MEGF6: variants seen among roughly 807,000 people sequenced by gnomAD.
MEGF6 encodes multiple EGF like domains 6, also known as multiple epidermal growth factor-like domains protein 6.
Under a neutral mutation model 207.1 loss-of-function variants are expected in MEGF6, and 184 were observed. The observed-to-expected ratio is 0.89, with a 90% CI of 0.79 to 1.00. MEGF6 has a LOEUF of 1.00. MEGF6 is among the 50% of genes least tolerant of loss of function. MEGF6 has a pLI of 0.00. For missense variants in MEGF6, 2,282 were observed against 2,202.9 expected (o/e 1.04, Z -0.72); for synonymous variants, 1,038 against 910.0 (o/e 1.14, Z -2.53).
intron 4 of MEGF6, among the ~76,000 whole-genome samples, chr1:3,564,655 C>A (rs1036106567): frequency 1.3e-5 from 2 of 152,166 alleles, no homozygotes; most frequent in African/African-American, 2.4e-5. Context: ...CCGCCTTCCT[C>A]GACCTCCAAT....
chr1:3,607,941 G>A lies in MEGF6; in HGVS notation c.131+3197C>T, dbSNP rs372512025. Among the ~76,000 whole-genome samples the A allele has an allele frequency of 9.7e-4, 147 of 152,262 alleles. 1 individual carries two copies. The highest frequency in any genetic ancestry group is 3.4e-3 in the African/African-American group (142 of 41,568). ...GGCATCACCAGGTTGGGGAGGGCGGGGATCCAGAAAGCAGGCAGCCAGCCT... is the reference window on the plus strand; with the variant it reads ...GGCATCACCAGGTTGGGGAGGGCGGAGATCCAGAAAGCAGGCAGCCAGCCT... On this transcript the variant is annotated intron_variant, in intron 1 of 36. Coordinates refer to ENST00000356575, the MANE Select transcript of MEGF6 (RefSeq NM_001409.4).
At chr1:3,607,294 C>T (rs1053340235) in intron 1 of MEGF6, among the ~76,000 whole-genome samples, 2 of 152,066 alleles carry the variant, frequency 1.3e-5, no homozygotes, top group East Asian at 1.9e-4. Flanking sequence ...GGCCCCTGCC[C>T]GCCTGGTGCG....
At chr1:3,548,354 G>A (rs930061388) in intron 4 of MEGF6, among the ~76,000 whole-genome samples, 15 of 152,242 alleles carry the variant, frequency 9.9e-5, no homozygotes, top group African/African-American at 2.4e-4. Context: ...GCCTCGGGGC[G>A]GCCACAGTCC....
the MEGF6 span, among the ~76,000 whole-genome samples, chr1:3,616,920 C>T: frequency 6.6e-6 from 1 of 152,210 alleles, no homozygotes; most frequent in Non-Finnish European, 1.5e-5. Context: ...ATGGAGACAG[C>T]AGAGGGGCAA....
chr1:3,546,713 G>A (rs1442973263), intron 4 of MEGF6, among the ~76,000 whole-genome samples: 1 of 148,564 alleles, frequency 6.7e-6, no homozygotes, highest in South Asian at 2.2e-4. Flanking sequence ...TGCCAAGGAG[G>A]ACGCCAAGGC....
At chr1:3,515,352 T>C (rs772350671) in intron 6 of MEGF6, 50 bp downstream of exon 6, 8 of 1,570,316 alleles carry the variant, frequency 5.1e-6, no homozygotes, top group Non-Finnish European at 6.9e-6. Flanking sequence ...GCGAGGCAGC[T>C]TGTCCTGCCT....
chr1:3,499,498 C>T, intron 23 of MEGF6, 90 bp downstream of exon 23: 3 of 1,512,400 alleles, frequency 2.0e-6, no homozygotes, highest in South Asian at 1.2e-5. Flanking sequence ...TAGCTTCAGA[C>T]ACTCAGGACA....
chr1:3,555,463 G>A (rs1043600143), intron 4 of MEGF6, among the ~76,000 whole-genome samples: 4 of 152,332 alleles, frequency 2.6e-5, no homozygotes, highest in African/African-American at 7.2e-5. Flanking sequence ...GATGAGAGCC[G>A]GGGCAAGGCG....
intron 1 of MEGF6, among the ~76,000 whole-genome samples, chr1:3,606,636 C>T (rs955690016): frequency 7.9e-4 from 120 of 152,296 alleles, no homozygotes; most frequent in African/African-American, 2.5e-3. Flanking sequence ...CTGTTTATTC[C>T]GGAAAAAGTG....
chr1:3,592,342 CCT>C (rs1017710721), intron 3 of MEGF6, among the ~76,000 whole-genome samples: 9 of 152,156 alleles, frequency 5.9e-5, no homozygotes, highest in African/African-American at 2.2e-4. Flanking sequence ...CTCACTGCTC[CCT>C]CTCTGACGTT....
In MEGF6 at chr1:3,492,916, G is replaced by C. The variant is rs1244872365; in HGVS notation, c.4388-149C>G. On this transcript the variant is annotated intron_variant, in intron 34 of 36. Coordinates refer to ENST00000356575, the MANE Select transcript of MEGF6 (RefSeq NM_001409.4). Reference sequence around the variant, plus strand: ...TGCGGGAGCTAAGACCTTGGGCCTCGGTTTCCCCTGAGGAGTAAACAGTCC... The same window carrying C: ...TGCGGGAGCTAAGACCTTGGGCCTCCGTTTCCCCTGAGGAGTAAACAGTCC... The C allele has an allele frequency of 1.1e-5, 12 of 1,097,062 alleles. No individual in the cohort carries two copies. The African/African-American group carries it at 1.9e-4, about 17-fold the overall frequency. The allele number at this position is 1,097,062 out of a possible 1,614,324, so 68.0% of individuals were successfully genotyped here. A position where few individuals can be genotyped will look rare whatever the true frequency, so the allele number is the denominator to read the frequency against.
intron 9 of MEGF6, 31 bp downstream of exon 9, chr1:3,511,519 G>T (rs901206535): frequency 7.6e-6 from 12 of 1,583,968 alleles, no homozygotes; most frequent in Non-Finnish European, 1.0e-5. Flanking sequence ...CTGGAGTGGG[G>T]TGCAGGCATC....
intron 4 of MEGF6, among the ~76,000 whole-genome samples, chr1:3,561,043 C>T (rs1316118183): frequency 1.3e-5 from 2 of 152,164 alleles, no homozygotes; most frequent in Admixed American, 6.5e-5. Flanking sequence ...AGGTTCTCCC[C>T]CAAGTCTGCC....
intron 5 of MEGF6, among the ~76,000 whole-genome samples, chr1:3,522,742 G>A (rs960075291): frequency 2.6e-5 from 4 of 152,102 alleles, no homozygotes; most frequent in Non-Finnish European, 5.9e-5. Context: ...GAGGCCAGGA[G>A]AAGGGATTAG....
Position 3,512,114 on chromosome 1 carries a change from C to T in MEGF6, c.868G>A (p.Ala290Thr). 5 of 1,607,278 alleles carry T rather than the reference C, an allele frequency of 3.1e-6. No individual in the cohort carries two copies. The highest frequency in any genetic ancestry group is 4.3e-6 in the Non-Finnish European group (5 of 1,175,952). ...TGGGCACACTGGGCCAGCCCTGCGG[C>T]ACATTCGTCCACATCTGGAGGGGAG... ...GKACEDVDEC[A>T]AGLAQCAHGC... The change falls in exon 8 of 37, where the codon GCC (alanine) becomes ACC (threonine). Residue 290 changes from alanine (A) to threonine (T), a missense_variant. Transcript: ENST00000356575.
intron 3 of MEGF6, among the ~76,000 whole-genome samples, chr1:3,583,170 A>C (rs1643840555): frequency 6.6e-6 from 1 of 152,176 alleles, no homozygotes; most frequent in Admixed American, 6.5e-5. Flanking sequence ...TCTAAAACAA[A>C]GATGCGCAAA....
Position 3,501,914 on chromosome 1 carries a change from C to T in MEGF6, c.2196G>A (p.Pro732=), listed in dbSNP as rs376749836. Residue 732 remains proline, a synonymous_variant, in exon 18 of 37, where the codon CCG becomes CCA. Coordinates refer to ENST00000356575, the MANE Select transcript of MEGF6 (RefSeq NM_001409.4). ...AGCAGTTCACGCCAAACGTCCCCAC[C>T]GGGCACTCTGCAGGAGAAAGCACGA... ...FQGEDCGQEC[P]VGTFGVNCSS... 1.3e-4 allele frequency: 206 copies of T among 1,606,632 alleles called. No homozygotes were observed. Among genetic ancestry groups the T allele is most frequent in the African/African-American group, 4.3e-4 (32 of 73,776 alleles).
At position 3,488,795 on chromosome 1, in the gene MEGF6, T is replaced by C. The variant is rs554736113; in HGVS notation, c.*1733A>G. Among the ~76,000 whole-genome samples, 24 of 152,346 alleles carry C rather than the reference T, an allele frequency of 1.6e-4. No homozygotes were observed. Among genetic ancestry groups the C allele is most frequent in the African/African-American group, 5.5e-4 (23 of 41,580 alleles). On this transcript the variant is annotated 3_prime_UTR_variant, in exon 37 of 37. Transcript: ENST00000356575. ...TCTTTGACATTGATGTTCTTCAAGGTCTTATGGCTTTTTTATGTTATTTTT... is the reference window on the plus strand; with the variant it reads ...TCTTTGACATTGATGTTCTTCAAGGCCTTATGGCTTTTTTATGTTATTTTT...
At chr1:3,607,858 G>T (rs1408851242) in intron 1 of MEGF6, among the ~76,000 whole-genome samples, 3 of 152,378 alleles carry the variant, frequency 2.0e-5, no homozygotes, top group East Asian at 3.9e-4. Flanking sequence ...GGCAAGAGAT[G>T]GGCGGGCATG....
Sources: allele counts gnomAD v4.1 joint callset (sites outside exome capture counted in the v4.1 genomes callset), GRCh38; gene constraint gnomAD v4.1.1; transcripts MANE v1.5; gene names NCBI Gene and HGNC (gene_info 2026-07-23, HGNC 2026-07-21).